CYRIA: variants seen among roughly 807,000 people sequenced by gnomAD.
The protein encoded by CYRIA is CYFIP-related Rac1 interactor A.
A neutral mutation model predicts 43.9 loss-of-function variants in CYRIA; 15 were observed. That is an observed-to-expected ratio of 0.34 (90% CI 0.23 to 0.53). The LOEUF is 0.53. CYRIA is among the 20% of genes least tolerant of loss of function. The probability of loss-of-function intolerance (pLI) is 0.94; values close to 1 mark genes in which losing one functional copy is unlikely to be tolerated. For missense variants in CYRIA, 236 were observed against 394.2 expected, an observed-to-expected ratio of 0.60 and a Z score of 3.40; for synonymous variants, 117 against 136.0, an observed-to-expected ratio of 0.86 and a Z score of 0.97.
At chr2:16,628,453 C>G (rs1572188026) in intron 1 of CYRIA, among the ~76,000 whole-genome samples, 1 of 152,256 alleles carries the variant, frequency 6.6e-6, no homozygotes, top group Admixed American at 6.5e-5. Flanking sequence ...CTGTGCTAAC[C>G]CACAGCCAGC....
At chr2:16,582,124 G>A (rs1469182607) in intron 3 of CYRIA, among the ~76,000 whole-genome samples, 4 of 152,156 alleles carry the variant, frequency 2.6e-5, no homozygotes, top group African/African-American at 9.7e-5. Flanking sequence ...TCTTGATAGA[G>A]TGTGGCATTT....
At chr2:16,605,054 T>A (rs1668346739) in intron 2 of CYRIA, among the ~76,000 whole-genome samples, 1 of 151,966 alleles carries the variant, frequency 6.6e-6, no homozygotes, top group Non-Finnish European at 1.5e-5. Flanking sequence ...ATGGTGTCCC[T>A]CAAAAGGGCT....
intron 3 of CYRIA, among the ~76,000 whole-genome samples, chr2:16,585,639 G>A (rs894436707): frequency 3.9e-5 from 6 of 152,116 alleles, no homozygotes; most frequent in Non-Finnish European, 8.8e-5. Context: ...GACAAATGGA[G>A]TTTTAGTACT....
intron 2 of CYRIA, among the ~76,000 whole-genome samples, chr2:16,593,662 C>T (rs1457154923): frequency 1.4e-5 from 2 of 146,620 alleles, no homozygotes; most frequent in Non-Finnish European, 3.0e-5. Context: ...CTTGGATTAT[C>T]ATCAAAGATT....
intron 1 of CYRIA, among the ~76,000 whole-genome samples, chr2:16,657,382 A>C (rs556551878): frequency 6.6e-6 from 1 of 152,190 alleles, no homozygotes; most frequent in African/African-American, 2.4e-5. Context: ...ACACTCAATA[A>C]AAAATTCCCA....
At position 16,553,740 on chromosome 2, in the gene CYRIA, C is replaced by G. The variant is rs567712251; in HGVS notation, c.909-741G>C. The stretch of plus-strand genomic sequence containing the variant: ...AACCTATATTTTGCTATCTGGAAAG[C>G]CTGTGCTCCTCTGACATCATCACAG... On this transcript the variant is annotated intron_variant, in intron 11 of 11. Coordinates refer to ENST00000381323, the MANE Select transcript of CYRIA (RefSeq NM_030797.4). Among the ~76,000 whole-genome samples, 49 of 152,186 alleles carry G rather than the reference C, an allele frequency of 3.2e-4. 1 individual carries two copies. The highest frequency in any genetic ancestry group is 2.6e-3 in the Admixed American group (40 of 15,274).
intron 3 of CYRIA, among the ~76,000 whole-genome samples, chr2:16,572,968 A>G (rs1282790819): frequency 6.6e-6 from 1 of 152,126 alleles, no homozygotes; most frequent in African/African-American, 2.4e-5. Context: ...ACAAAATTAT[A>G]AGCTTCTTGA....
At chr2:16,573,385 G>A (rs1193598373) in intron 3 of CYRIA, among the ~76,000 whole-genome samples, 2 of 152,182 alleles carry the variant, frequency 1.3e-5, no homozygotes, top group Non-Finnish European at 2.9e-5. Context: ...ACTTCTCCCT[G>A]CAGTTAATTC....
chr2:16,565,181 T>C (rs1428797302), intron 4 of CYRIA, among the ~76,000 whole-genome samples: 1 of 151,878 alleles, frequency 6.6e-6, no homozygotes, highest in Non-Finnish European at 1.5e-5. Flanking sequence ...TGCTCTTTTT[T>C]TTTTTTTTTT....
chr2:16,601,035 T>C (rs1260059226), intron 2 of CYRIA, among the ~76,000 whole-genome samples: 1 of 152,064 alleles, frequency 6.6e-6, no homozygotes, highest in African/African-American at 2.4e-5. Context: ...CAGCTGAAGG[T>C]ATGTGTAGGG....
At chr2:16,565,079 A>G in intron 4 of CYRIA, among the ~76,000 whole-genome samples, 1 of 152,192 alleles carries the variant, frequency 6.6e-6, no homozygotes, top group East Asian at 1.9e-4. Context: ...GAGTCCTGCA[A>G]TATCACTTGT....
At chr2:16,612,204 G>A (rs1315627812) in intron 2 of CYRIA, among the ~76,000 whole-genome samples, 2 of 152,190 alleles carry the variant, frequency 1.3e-5, no homozygotes, top group African/African-American at 4.8e-5. Flanking sequence ...AGTGAAGAAT[G>A]ATAGTGTGAA....
chr2:16,573,812 T>C (rs900409728), intron 3 of CYRIA, among the ~76,000 whole-genome samples: 3 of 152,232 alleles, frequency 2.0e-5, no homozygotes, highest in African/African-American at 7.2e-5. Flanking sequence ...TGTGGAACTG[T>C]AAGTCCATTA....
At chr2:16,635,068 A>G (rs1669453581) in intron 1 of CYRIA, among the ~76,000 whole-genome samples, 1 of 152,304 alleles carries the variant, frequency 6.6e-6, no homozygotes, top group Middle Eastern at 3.4e-3. Context: ...AGTTTCCTTA[A>G]CTGTAAAGGA....
intron 2 of CYRIA, among the ~76,000 whole-genome samples, chr2:16,610,897 C>CATATATATATAGATAT (rs1668569607): frequency 1.1e-5 from 1 of 92,556 alleles, no homozygotes; most frequent in Non-Finnish European, 2.3e-5. Flanking sequence ...TTAGTCCCAA[C>CATATATATATAGATAT]ATATATATAT....
intron 1 of CYRIA, among the ~76,000 whole-genome samples, chr2:16,658,656 C>T (rs1335594757): frequency 1.3e-5 from 2 of 152,200 alleles, no homozygotes; most frequent in Non-Finnish European, 2.9e-5. Context: ...GTCTCAGTTT[C>T]TCTTTCTTCC....
chr2:16,615,056 T>A (rs1362540680), intron 2 of CYRIA, among the ~76,000 whole-genome samples: 3 of 152,248 alleles, frequency 2.0e-5, no homozygotes, highest in Non-Finnish European at 4.4e-5. Flanking sequence ...CATAAATTGC[T>A]TCTAACCATG....
In CYRIA at chr2:16,555,142, A is replaced by G; in HGVS notation, c.838-3T>C. 6.2e-7 allele frequency: 1 copy of G among 1,611,490 alleles called. No individual in the cohort carries two copies. On this transcript the variant is annotated splice_polypyrimidine_tract_variant and splice_region_variant and intron_variant, in intron 10 of 11. Coordinates refer to ENST00000381323, the MANE Select transcript of CYRIA (RefSeq NM_030797.4). The stretch of plus-strand genomic sequence containing the variant: ...AAAACTTTTATGCAGCCTTTCATCT[A>G]GGAGGAGAAAGCACAATGTTTGTTA...
At chr2:16,601,220 G>T (rs56105519) in intron 2 of CYRIA, among the ~76,000 whole-genome samples, 1 of 152,212 alleles carries the variant, frequency 6.6e-6, no homozygotes, top group South Asian at 2.1e-4. Context: ...AAGTCTTCTG[G>T]AAGAGTTTGC....
Sources: allele counts gnomAD v4.1 joint callset (sites outside exome capture counted in the v4.1 genomes callset), GRCh38; gene constraint gnomAD v4.1.1; transcripts MANE v1.5; gene names NCBI Gene and HGNC (gene_info 2026-07-23, HGNC 2026-07-21).